ADAMTSL1: variants seen among roughly 807,000 people sequenced by gnomAD.
The protein encoded by ADAMTSL1 is ADAMTS like 1, also known as ADAMTS-like protein 1.
A neutral mutation model predicts 201.8 loss-of-function variants in ADAMTSL1; 126 were observed. The observed-to-expected ratio is 0.62, with a 90% CI of 0.54 to 0.72. The LOEUF (loss-of-function observed/expected upper bound fraction) is 0.72, where lower values mean the gene tolerates loss of function less well. ADAMTSL1 is among the 30% of genes least tolerant of loss of function. The probability of loss-of-function intolerance (pLI) is 0.00; values close to 1 mark genes in which losing one functional copy is unlikely to be tolerated. For missense variants in ADAMTSL1, 2,679 were observed against 2,277.8 expected (o/e 1.18, Z -3.59); for synonymous variants, 1,121 against 903.4 (o/e 1.24, Z -4.32).
intron 1 of ADAMTSL1, among the ~76,000 whole-genome samples, chr9:17,963,942 G>A (rs1329914): frequency 0.8 from 121,563 of 151,516 alleles, 49,366 homozygotes; most frequent in East Asian, 0.94. Flanking sequence ...ATATTTAGCT[G>A]TGCCTTTAAC....
chr9:18,059,904 T>C (rs1371546863), intron 1 of ADAMTSL1, among the ~76,000 whole-genome samples: 2 of 152,202 alleles, frequency 1.3e-5, no homozygotes, highest in Non-Finnish European at 2.9e-5. Flanking sequence ...TTCTGTTGAC[T>C]CAAAAGTCCT....
At chr9:18,615,382 C>A (rs918009018) in intron 4 of ADAMTSL1, among the ~76,000 whole-genome samples, 1 of 152,204 alleles carries the variant, frequency 6.6e-6, no homozygotes, top group East Asian at 1.9e-4. Flanking sequence ...CCTTCACTTG[C>A]TATATGTGCT....
At chr9:18,619,447 C>T (rs1825891092) in intron 4 of ADAMTSL1, among the ~76,000 whole-genome samples, 1 of 152,074 alleles carries the variant, frequency 6.6e-6, no homozygotes, top group Admixed American at 6.6e-5. Context: ...AGATGTTAGT[C>T]TTTTAAATTC....
chr9:18,843,478 C>A (rs1825868072), intron 23 of ADAMTSL1, among the ~76,000 whole-genome samples: 1 of 150,844 alleles, frequency 6.6e-6, no homozygotes, highest in African/African-American at 2.5e-5. Context: ...TTTTTTCCTT[C>A]ATTTCAACTT....
At chr9:18,340,448 C>G (rs183132545) in intron 2 of ADAMTSL1, among the ~76,000 whole-genome samples, 5 of 152,140 alleles carry the variant, frequency 3.3e-5, no homozygotes, top group African/African-American at 4.8e-5. Context: ...AAACACAATA[C>G]ATCCCAAACT....
intron 2 of ADAMTSL1, among the ~76,000 whole-genome samples, chr9:18,175,552 A>G (rs771113342): frequency 2.6e-5 from 4 of 152,176 alleles, no homozygotes; most frequent in Non-Finnish European, 4.4e-5. Context: ...GACAATATCC[A>G]TTTAGAACTT....
chr9:18,224,975 A>C (rs921678331), intron 2 of ADAMTSL1, among the ~76,000 whole-genome samples: 26 of 152,142 alleles, frequency 1.7e-4, no homozygotes, highest in African/African-American at 5.3e-4. Flanking sequence ...CTTCATGCAT[A>C]AAACTTTTTC....
intron 1 of ADAMTSL1, among the ~76,000 whole-genome samples, chr9:17,973,261 T>A (rs1351348250): frequency 3.4e-5 from 5 of 147,030 alleles, no homozygotes; most frequent in Admixed American, 1.4e-4. Context: ...CTGAATGGTA[T>A]TGCCTAGGTT....
chr9:18,507,863 T>G (rs1817779857), intron 2 of ADAMTSL1, among the ~76,000 whole-genome samples: 1 of 152,120 alleles, frequency 6.6e-6, no homozygotes, highest in Non-Finnish European at 1.5e-5. Flanking sequence ...AGGGGAGACC[T>G]TATCCTAAGT....
chr9:18,428,933 G>A (rs1255237791), intron 2 of ADAMTSL1, among the ~76,000 whole-genome samples: 1 of 152,122 alleles, frequency 6.6e-6, no homozygotes, highest in African/African-American at 2.4e-5. Flanking sequence ...GAAATTGTCG[G>A]TGTATAAACG....
At chr9:17,944,350 G>T (rs1827365116) in intron 1 of ADAMTSL1, among the ~76,000 whole-genome samples, 1 of 152,092 alleles carries the variant, frequency 6.6e-6, no homozygotes, top group Non-Finnish European at 1.5e-5. Context: ...CCATGCTCAT[G>T]GGTAGGAAGA....
intron 13 of ADAMTSL1, among the ~76,000 whole-genome samples, chr9:18,694,738 G>A (rs891058532): frequency 1.3e-5 from 2 of 152,102 alleles, no homozygotes; most frequent in Non-Finnish European, 2.9e-5. Flanking sequence ...ACCATTCTGG[G>A]GTCTGCAGGA....
intron 23 of ADAMTSL1, among the ~76,000 whole-genome samples, chr9:18,848,973 A>C (rs1437408795): frequency 2.0e-5 from 3 of 152,258 alleles, no homozygotes; most frequent in Non-Finnish European, 2.9e-5. Flanking sequence ...ACCAAAACTA[A>C]TGAAAAGAGC....
intron 2 of ADAMTSL1, among the ~76,000 whole-genome samples, chr9:18,522,909 A>G (rs1396347778): frequency 6.6e-6 from 1 of 152,170 alleles, no homozygotes; most frequent in Non-Finnish European, 1.5e-5. Context: ...ATATGTGTGC[A>G]TGTGTCTTTA....
At chr9:18,064,163 TC>T (rs1190269367) in intron 1 of ADAMTSL1, among the ~76,000 whole-genome samples, 16 of 152,070 alleles carry the variant, frequency 1.1e-4, no homozygotes, top group Non-Finnish European at 1.5e-4. Context: ...GTCCCAAGCT[TC>T]CCCCTGGGAG....
chr9:18,764,654 G>A (rs1040249592), intron 16 of ADAMTSL1, among the ~76,000 whole-genome samples: 1 of 152,180 alleles, frequency 6.6e-6, no homozygotes, highest in African/African-American at 2.4e-5. Context: ...GCCCAGGAAA[G>A]GGCAAATTGT....
At chr9:18,554,183 A>G (rs2132238605) in intron 3 of ADAMTSL1, among the ~76,000 whole-genome samples, 1 of 151,702 alleles carries the variant, frequency 6.6e-6, no homozygotes, top group Non-Finnish European at 1.5e-5. Flanking sequence ...TTAAATCTAC[A>G]TGATGACACC....
chr9:18,438,163 T>C (rs1394066612), intron 2 of ADAMTSL1, among the ~76,000 whole-genome samples: 1 of 151,054 alleles, frequency 6.6e-6, no homozygotes, highest in African/African-American at 2.4e-5. Flanking sequence ...TTATGTGACC[T>C]GAAAGCATTT....
chr9:18,289,087 A>T (rs944396011), intron 2 of ADAMTSL1, among the ~76,000 whole-genome samples: 1 of 152,248 alleles, frequency 6.6e-6, no homozygotes, highest in African/African-American at 2.4e-5. Flanking sequence ...AAATAGAACC[A>T]AAAAGATATA....
Sources: gnomAD v4.1 joint callset for allele counts (sites outside exome capture counted in the v4.1 genomes callset) on GRCh38, gnomAD v4.1.1 for gene constraint, MANE v1.5 for transcripts, NCBI Gene and HGNC (gene_info 2026-07-23, HGNC 2026-07-21) for gene names.